CDH12: variants seen among roughly 807,000 people sequenced by gnomAD.
The protein encoded by CDH12 is cadherin-12.
A neutral mutation model predicts 74.1 loss-of-function variants in CDH12; 41 were observed. The ratio of observed to expected loss-of-function variants is 0.55; its 90% CI spans 0.43 to 0.72. The LOEUF is 0.72. CDH12 is among the 30% of genes least tolerant of loss of function. The probability of loss-of-function intolerance (pLI) is 0.00; values close to 1 mark genes in which losing one functional copy is unlikely to be tolerated. For synonymous variants in CDH12, 399 were observed against 355.0 expected, an observed-to-expected ratio of 1.12 and a Z score of -1.39; for missense variants, 945 against 977.2, an observed-to-expected ratio of 0.97 and a Z score of 0.44.
At chr5:22,333,295 A>T (rs937142878) in intron 3 of CDH12, among the ~76,000 whole-genome samples, 3 of 151,982 alleles carry the variant, frequency 2.0e-5, no homozygotes, top group Non-Finnish European at 4.4e-5. Context: ...GAGGGTAACA[A>T]CACACACTGG....
intron 4 of CDH12, among the ~76,000 whole-genome samples, chr5:22,107,500 A>AATTATTATATGTATATATACACAT (rs1232247040): frequency 3.3e-5 from 5 of 150,354 alleles, no homozygotes; most frequent in South Asian, 2.1e-4. Flanking sequence ...ATACACATAT[A>AATTATTATATGTATATATACACAT]ATAATTATAT....
intron 3 of CDH12, among the ~76,000 whole-genome samples, chr5:22,284,613 A>T (rs1305366087): frequency 6.6e-6 from 1 of 152,174 alleles, no homozygotes; most frequent in Non-Finnish European, 1.5e-5. Context: ...TAGCATGTGC[A>T]AGTTACACTT....
chr5:21,810,989 T>C (rs1747716830), intron 9 of CDH12, among the ~76,000 whole-genome samples: 1 of 152,142 alleles, frequency 6.6e-6, no homozygotes, highest in African/African-American at 2.4e-5. Flanking sequence ...GTATAAAATA[T>C]ATATATGCTC....
chr5:22,794,481 A>C lies in CDH12; in HGVS notation c.-523+58577T>G, dbSNP rs1748086920. 2.0e-5 allele frequency among the ~76,000 whole-genome samples: 3 copies of C among 152,346 alleles called. No individual in the cohort carries two copies. In the South Asian group the frequency reaches 6.2e-4, roughly 32 times the overall value. On this transcript the variant is annotated intron_variant, in intron 1 of 14. Transcript: ENST00000382254. ...GAGCGGAGTCTGGGTCCACAGTCAA[A>C]TATGTCATCTGTACGATGATCTGCT...
At chr5:22,069,124 A>G (rs1427255426) in intron 5 of CDH12, among the ~76,000 whole-genome samples, 2 of 152,204 alleles carry the variant, frequency 1.3e-5, no homozygotes, top group Non-Finnish European at 2.9e-5. Flanking sequence ...TGTGACCTAT[A>G]GAATGCCTTA....
At chr5:22,587,615 C>A (rs77074855) in intron 1 of CDH12, among the ~76,000 whole-genome samples, 8,251 of 152,216 alleles carry the variant, frequency 0.054, 277 homozygotes, top group Non-Finnish European at 0.082. Context: ...TCCCTTACTG[C>A]AAGTCACTAA....
intron 5 of CDH12, among the ~76,000 whole-genome samples, chr5:22,058,031 A>ATCTATCTG (rs1554005020): frequency 9.1e-4 from 137 of 150,404 alleles, no homozygotes; most frequent in Admixed American, 1.7e-3. Context: ...CTATCTATCT[A>ATCTATCTG]TCTATCTATC....
intron 9 of CDH12, among the ~76,000 whole-genome samples, chr5:21,810,239 G>T (rs1747675083): frequency 6.6e-6 from 1 of 152,114 alleles, no homozygotes; most frequent in Non-Finnish European, 1.5e-5. Context: ...CGTCTAAATA[G>T]ATTTCTTTCA....
intron 3 of CDH12, among the ~76,000 whole-genome samples, chr5:22,315,182 T>G (rs2150432266): frequency 7.1e-6 from 1 of 141,430 alleles, no homozygotes; most frequent in Non-Finnish European, 1.5e-5. Flanking sequence ...CGGGATGGTC[T>G]CGATCTCCTG....
At chr5:22,535,303 C>G (rs1016748599) in intron 1 of CDH12, among the ~76,000 whole-genome samples, 1 of 151,760 alleles carries the variant, frequency 6.6e-6, no homozygotes, top group African/African-American at 2.4e-5. Context: ...TACAGGCGCC[C>G]GCTACCACGC....
intron 2 of CDH12, among the ~76,000 whole-genome samples, chr5:22,478,339 A>C (rs550611263): frequency 1.5e-4 from 21 of 144,230 alleles, no homozygotes; most frequent in African/African-American, 5.4e-4. Context: ...AATGGCGTGA[A>C]CCTGGGAGGC....
At chr5:22,736,502 T>G (rs994973724) in intron 1 of CDH12, among the ~76,000 whole-genome samples, 2 of 151,872 alleles carry the variant, frequency 1.3e-5, no homozygotes, top group Non-Finnish European at 2.9e-5. Context: ...ATTCTTTATA[T>G]GCACACACAT....
At chr5:21,935,781 G>A (rs1158033780) in intron 6 of CDH12, among the ~76,000 whole-genome samples, 1 of 152,046 alleles carries the variant, frequency 6.6e-6, no homozygotes, top group Non-Finnish European at 1.5e-5. Flanking sequence ...CCTTTATACT[G>A]TTTATCTCCA....
At chr5:22,419,170 G>A (rs543748691) in intron 2 of CDH12, among the ~76,000 whole-genome samples, 20 of 152,228 alleles carry the variant, frequency 1.3e-4, no homozygotes, top group African/African-American at 4.1e-4. Context: ...TAAATTCTGG[G>A]ATACATGGGC....
chr5:22,006,636 A>G (rs1004951909), intron 5 of CDH12, among the ~76,000 whole-genome samples: 2 of 152,186 alleles, frequency 1.3e-5, no homozygotes, highest in South Asian at 2.1e-4. Context: ...TTACAAACTA[A>G]TAGGTGAGAG....
At chr5:22,213,221 G>A (rs1751642996) in intron 3 of CDH12, among the ~76,000 whole-genome samples, 1 of 151,984 alleles carries the variant, frequency 6.6e-6, no homozygotes, top group Admixed American at 6.6e-5. Flanking sequence ...GCCCTCCAGA[G>A]TGCAACTCTC....
intron 1 of CDH12, among the ~76,000 whole-genome samples, chr5:22,797,724 A>T (rs774189400): frequency 5.3e-5 from 8 of 152,054 alleles, no homozygotes; most frequent in Non-Finnish European, 4.4e-5. Context: ...TTACTATTTT[A>T]CCTCATTTAA....
intron 6 of CDH12, among the ~76,000 whole-genome samples, chr5:21,855,174 A>C (rs1316572292): frequency 6.6e-6 from 1 of 151,776 alleles, no homozygotes; most frequent in Non-Finnish European, 1.5e-5. Flanking sequence ...AAAGGTTTAG[A>C]GTGTACTGAA....
At chr5:21,907,630 T>C (rs1471580688) in intron 6 of CDH12, among the ~76,000 whole-genome samples, 1 of 152,178 alleles carries the variant, frequency 6.6e-6, no homozygotes, top group African/African-American at 2.4e-5. Flanking sequence ...AAGCAAAGAA[T>C]ACCCAGTTGC....
Sources: allele counts gnomAD v4.1 joint callset (sites outside exome capture counted in the v4.1 genomes callset), GRCh38; gene constraint gnomAD v4.1.1; transcripts MANE v1.5; gene names NCBI Gene and HGNC (gene_info 2026-07-23, HGNC 2026-07-21).